DCTN1: variants seen among roughly 807,000 people sequenced by gnomAD.
The protein encoded by DCTN1 is dynactin subunit 1, also known as 150 kDa dynein-associated polypeptide.
Under a neutral mutation model 161.2 loss-of-function variants are expected in DCTN1, and 61 were observed. The observed-to-expected ratio is 0.38, with a 90% CI of 0.31 to 0.47. The LOEUF (loss-of-function observed/expected upper bound fraction) is 0.47. DCTN1 is among the 20% of genes least tolerant of loss of function. DCTN1 has a pLI of 0.99. For missense variants in DCTN1, 1,404 were observed against 1,623.7 expected (o/e 0.86, Z 2.33); for synonymous variants, 653 against 632.4 (o/e 1.03, Z -0.49).
chr2:74,385,718 G>C (rs1026556645), intron 1 of DCTN1: 1 of 152,236 alleles, frequency 6.6e-6, no homozygotes, highest in East Asian at 1.9e-4. Flanking sequence ...GAAGGACACA[G>C]AGATGATGCT....
At position 74,369,121 on chromosome 2, in the gene DCTN1, C is replaced by T. The variant is rs1674641401; in HGVS notation, c.1678G>A (p.Ala560Thr). Reference protein sequence around the residue: ...PETFDFKIKFAETKAHAKAIE... With the variant: ...PETFDFKIKFTETKAHAKAIE... ...ACCTTGGCATGGGCCTTAGTCTCAG[C>T]AAACTTGATTTTGAAGTCAAAGGTC... is the stretch of plus-strand genomic sequence containing the variant. Residue 560 changes from alanine (A) to threonine (T), a missense_variant, in exon 15 of 32, where the codon GCT becomes ACT. By Grantham distance (58) the Ala-to-Thr change is moderately conservative. Coordinates refer to ENST00000628224, the MANE Select transcript of DCTN1 (RefSeq NM_004082.5). The surrounding 1 kb of genome is among the most constrained non-coding windows in gnomAD (Gnocchi z 4.9). 1 of 1,614,146 alleles carries T rather than the reference C, an allele frequency of 6.2e-7. No homozygotes were observed. Among genetic ancestry groups the T allele is most frequent in the African/African-American group, 1.3e-5 (1 of 74,958 alleles).
At chr2:74,382,112 C>A (rs561015782), upstream of DCTN1, among the ~76,000 whole-genome samples, 1 of 152,322 alleles carries the variant, frequency 6.6e-6, no homozygotes, top group East Asian at 1.9e-4. Flanking sequence ...CAAGGCCCTG[C>A]TCTTCCTGTA....
At position 74,370,936 on chromosome 2, in the gene DCTN1, G is replaced by C. The variant is rs762476536; in HGVS notation, c.843+43C>G. 14 of 1,613,160 alleles carry C rather than the reference G, an allele frequency of 8.7e-6. No homozygotes were observed. The highest frequency in any genetic ancestry group is 1.2e-5 in the Non-Finnish European group (14 of 1,180,032). ...GTCTAGTTTCCAGCATGCTTCCTTA[G>C]GTCTCAGGCTGCCCCAGCCACCCCC... On this transcript the variant is annotated intron_variant, in intron 9 of 31. Coordinates refer to ENST00000628224, the MANE Select transcript of DCTN1 (RefSeq NM_004082.5). This position sits in a 1 kb window ranked among gnomAD's most constrained non-coding sequence, Gnocchi z 4.4.
chr2:74,368,671 C>G, intron 16 of DCTN1, 57 bp downstream of exon 16: 1 of 1,613,306 alleles, frequency 6.2e-7, no homozygotes, highest in Non-Finnish European at 8.5e-7. Flanking sequence ...ATCTTCAATG[C>G]CTGGTTCATG....
chr2:74,372,441 T>C (rs1324854059), intron 7 of DCTN1, among the ~76,000 whole-genome samples: 1 of 152,194 alleles, frequency 6.6e-6, no homozygotes, highest in Admixed American at 6.5e-5. Context: ...GACCTGAAGT[T>C]CAAGCCCTGG....
At chr2:74,385,026 A>T (rs1675668328), upstream of DCTN1, 2 of 152,192 alleles carry the variant, frequency 1.3e-5, no homozygotes, top group Non-Finnish European at 1.5e-5. Context: ...ACGTACACAG[A>T]GCTTTTTGTT....
intron 2 of DCTN1, 124 bp downstream of exon 2, chr2:74,377,876 T>C: frequency 1.3e-6 from 2 of 1,491,926 alleles, no homozygotes; most frequent in Non-Finnish European, 1.9e-6. Context: ...CCTCCCCCAC[T>C]ACCTTCCACT....
At position 74,361,311 on chromosome 2, in the gene DCTN1, G is replaced by C. The variant is rs1310463908; in HGVS notation, c.*188C>G. The C allele has an allele frequency of 4.9e-6, 4 of 813,898 alleles. No individual in the cohort carries two copies. The African/African-American group carries it at 6.8e-5, about 14-fold the overall frequency. The allele number at this position is 813,898 out of a possible 1,614,324, so 50.4% of individuals were successfully genotyped here. Reference sequence around the variant, plus strand: ...AACAACAAATTATGGCAGAGGCCAGGGAATGGGAGTGGGGGAACCCGGGTC... The same window carrying C: ...AACAACAAATTATGGCAGAGGCCAGCGAATGGGAGTGGGGGAACCCGGGTC... On this transcript the variant is annotated 3_prime_UTR_variant, in exon 32 of 32. Coordinates refer to ENST00000628224, the MANE Select transcript of DCTN1 (RefSeq NM_004082.5).
upstream of DCTN1, among the ~76,000 whole-genome samples, chr2:74,383,165 T>C (rs777086479): frequency 2.0e-4 from 31 of 152,112 alleles, no homozygotes; most frequent in Non-Finnish European, 4.0e-4. Context: ...GAACACAGTA[T>C]GAACAGAGGC....
chr2:74,361,990 G>C, intron 31 of DCTN1, 62 bp downstream of exon 31: 1 of 1,557,126 alleles, frequency 6.4e-7, no homozygotes, highest in Non-Finnish European at 8.9e-7. Flanking sequence ...AATTCTGGAG[G>C]AGAGGGGGGC....
In DCTN1 at chr2:74,377,499, T is replaced by A. The variant is rs369422126; in HGVS notation, c.359-33A>T. 1.2e-5 allele frequency: 20 copies of A among 1,601,294 alleles called. No individual in the cohort carries two copies. In the African/African-American group the frequency reaches 2.7e-4, roughly 21 times the overall value. On this transcript the variant is annotated intron_variant, in intron 3 of 31. Transcript: ENST00000628224. Reference sequence around the variant, plus strand: ...AAGCAAACAGAAACAAAGTGTGTACTTGTATAGAGAGGTAGGGGGAGATAT... The same window carrying A: ...AAGCAAACAGAAACAAAGTGTGTACATGTATAGAGAGGTAGGGGGAGATAT...
intron 26 of DCTN1, chr2:74,364,214 A>G (rs1229741312): frequency 1.2e-5 from 2 of 165,478 alleles, no homozygotes; most frequent in Admixed American, 1.1e-4. Flanking sequence ...AAGAACACAG[A>G]GCTGTCTGTA....
chr2:74,380,225 G>C lies in DCTN1; in HGVS notation c.-188C>G. Reference sequence around the variant, plus strand: ...GGGTAGGGGTGGGGGCAGTGATGGGGGCTGAGGAGCAAGTCCCCTCTGCTG... The same window carrying C: ...GGGTAGGGGTGGGGGCAGTGATGGGCGCTGAGGAGCAAGTCCCCTCTGCTG... On this transcript the variant is annotated 5_prime_UTR_variant, in exon 1 of 32. Transcript: ENST00000628224. 1.5e-6 allele frequency: 1 copy of C among 673,942 alleles called. No homozygotes were observed. Among genetic ancestry groups the C allele is most frequent in the Non-Finnish European group, 2.7e-6 (1 of 372,244 alleles). 41.7% of individuals were successfully genotyped at this position (673,942 alleles called of 1,614,324 possible).
chr2:74,374,849 C>G, intron 5 of DCTN1: 2 of 710,010 alleles, frequency 2.8e-6, no homozygotes, highest in Non-Finnish European at 3.5e-6. Flanking sequence ...TGGCTCCTCT[C>G]TTCCCTCCCT....
At chr2:74,372,285 T>G (rs1674922130) in intron 7 of DCTN1, among the ~76,000 whole-genome samples, 1 of 152,212 alleles carries the variant, frequency 6.6e-6, no homozygotes, top group Admixed American at 6.5e-5. Context: ...TCTCTCAGTC[T>G]ATTTCAGAGG....
At chr2:74,373,725 G>GTGTTCT (rs1205178233) in intron 6 of DCTN1, among the ~76,000 whole-genome samples, 12 of 152,210 alleles carry the variant, frequency 7.9e-5, no homozygotes, top group Non-Finnish European at 1.5e-4. Context: ...TTTCCAAATA[G>GTGTTCT]TGTTCTTGCT....
chr2:74,367,210 G>T, intron 19 of DCTN1, 103 bp from the exon 20 acceptor site: 1 of 1,537,818 alleles, frequency 6.5e-7, no homozygotes, highest in South Asian at 1.1e-5. Context: ...CCATACATAA[G>T]TAGGTCCTCT....
In DCTN1 at chr2:74,367,411, T is replaced by C. The variant is rs202214010; in HGVS notation, c.2194A>G (p.Ser732Gly). The C allele has an allele frequency of 7.4e-6, 12 of 1,614,016 alleles. No individual in the cohort carries two copies. Among genetic ancestry groups the C allele is most frequent in the Non-Finnish European group, 1.0e-5 (12 of 1,180,028 alleles). The change falls in exon 19 of 32, where the codon AGC (serine) becomes GGC (glycine). Residue 732 changes from serine to glycine, a missense_variant. Around this residue, in one of 9 missense-constraint regions of DCTN1, gnomAD observed 475 missense variants for 489.8 expected, o/e 0.97. Transcript: ENST00000628224. ...KAIKYYQHLY[S>G]IHLAEQPEDC... is the part of the protein sequence containing the mutation. Reference sequence around the variant, plus strand: ...TCAGGCTGTTCGGCAAGGTGGATGCTGTACAGATGCTGAGGAGAGATAACA... The same window carrying C: ...TCAGGCTGTTCGGCAAGGTGGATGCCGTACAGATGCTGAGGAGAGATAACA...
intron 4 of DCTN1, 138 bp downstream of exon 4, chr2:74,377,294 T>G: frequency 1.3e-6 from 1 of 783,400 alleles, no homozygotes; most frequent in South Asian, 1.5e-5. Flanking sequence ...CCAGAAAGCC[T>G]CCTTCTTAGG....
Sources: gnomAD v4.1 joint callset for allele counts (sites outside exome capture counted in the v4.1 genomes callset) on GRCh38, gnomAD v4.1.1 for gene constraint, gnomAD v4.1.1 regional missense constraint, Gnocchi (gnomAD v3.1) non-coding constraint, MANE v1.5 for transcripts, NCBI Gene and HGNC (gene_info 2026-07-23, HGNC 2026-07-21) for gene names.